PAPPA2: variants seen among roughly 807,000 people sequenced by gnomAD.
PAPPA2 encodes pappalysin-2.
A neutral mutation model predicts 176.4 loss-of-function variants in PAPPA2; 86 were observed. The observed-to-expected ratio is 0.49, with a 90% confidence interval of 0.41 to 0.58. The LOEUF (loss-of-function observed/expected upper bound fraction) is 0.58, where lower values mean the gene tolerates loss of function less well. Among genes scored for constraint, PAPPA2 ranks in the 20% least tolerant of loss-of-function variants. The pLI is 0.00. For synonymous variants in PAPPA2, 809 were observed against 852.2 expected, an observed-to-expected ratio of 0.95 and a Z score of 0.88; for missense variants, 2,073 against 2,256.9, an observed-to-expected ratio of 0.92 and a Z score of 1.65.
At chr1:176,769,546 G>A (rs1270790290) in intron 15 of PAPPA2, 61 bp from the exon 16 acceptor site, 1 of 1,523,654 alleles carries the variant, frequency 6.6e-7, no homozygotes, top group Admixed American at 1.9e-5. Context: ...TCTAAAGCCT[G>A]GAAACTACTC....
intron 3 of PAPPA2, among the ~76,000 whole-genome samples, chr1:176,666,608 T>TGAGAGAGAGAGA (rs55742086): frequency 2.0e-5 from 2 of 101,280 alleles, no homozygotes; most frequent in African/African-American, 7.2e-5. Context: ...TGTGTGTGTG[T>TGAGAGAGAGAGA]GAGAGAGAGA....
intron 3 of PAPPA2, among the ~76,000 whole-genome samples, chr1:176,641,904 G>C (rs971811306): frequency 4.6e-5 from 7 of 151,890 alleles, no homozygotes; most frequent in African/African-American, 7.2e-5. Context: ...AGGAGGTCTA[G>C]GTTAGTGTGT....
intron 4 of PAPPA2, among the ~76,000 whole-genome samples, chr1:176,676,566 T>C (rs1259768094): frequency 6.6e-6 from 1 of 151,922 alleles, no homozygotes; most frequent in African/African-American, 2.4e-5. Context: ...ATTTCCAGGG[T>C]TTAAGAATGA....
chr1:176,705,252 A>G (rs1417046763), intron 9 of PAPPA2, among the ~76,000 whole-genome samples: 1 of 152,126 alleles, frequency 6.6e-6, no homozygotes, highest in Non-Finnish European at 1.5e-5. Flanking sequence ...TAATTTCTTC[A>G]ATTATGTTGT....
intron 3 of PAPPA2, among the ~76,000 whole-genome samples, chr1:176,616,022 A>G (rs1414985348): frequency 6.6e-6 from 1 of 152,228 alleles, no homozygotes; most frequent in African/African-American, 2.4e-5. Flanking sequence ...GTCAGTTGGT[A>G]TGAATGACAA....
At chr1:176,483,053 G>C (rs1248845575) in intron 1 of PAPPA2, among the ~76,000 whole-genome samples, 1 of 152,200 alleles carries the variant, frequency 6.6e-6, no homozygotes, top group African/African-American at 2.4e-5. Context: ...TGTGGCTGAA[G>C]AGCATGGTGA....
At chr1:176,580,149 C>T (rs1157692162) in intron 2 of PAPPA2, among the ~76,000 whole-genome samples, 1 of 152,110 alleles carries the variant, frequency 6.6e-6, no homozygotes, top group Non-Finnish European at 1.5e-5. Context: ...GCAAATTTAT[C>T]CCTATCTCCC....
chr1:176,508,077 C>T (rs539637569), intron 1 of PAPPA2, among the ~76,000 whole-genome samples: 2 of 152,256 alleles, frequency 1.3e-5, no homozygotes, highest in Admixed American at 6.5e-5. Flanking sequence ...GTAAAGGCTA[C>T]TCAACAGACT....
intron 17 of PAPPA2, among the ~76,000 whole-genome samples, chr1:176,782,304 G>A (rs938970540): frequency 2.0e-5 from 3 of 152,074 alleles, no homozygotes; most frequent in African/African-American, 7.2e-5. Context: ...GCTGCATACT[G>A]GGAATATCAT....
chr1:176,638,583 G>A (rs866428209), intron 3 of PAPPA2, among the ~76,000 whole-genome samples: 3 of 152,000 alleles, frequency 2.0e-5, no homozygotes, highest in Admixed American at 6.6e-5. Context: ...AGGAAAGAGG[G>A]AAGACTGAAT....
chr1:176,837,547 A>C (rs951268359), intron 21 of PAPPA2, among the ~76,000 whole-genome samples: 2 of 152,132 alleles, frequency 1.3e-5, no homozygotes, highest in Non-Finnish European at 2.9e-5. Context: ...GGTTAAAATA[A>C]AAATTTAAAA....
intron 1 of PAPPA2, among the ~76,000 whole-genome samples, chr1:176,486,976 CT>C (rs1470652404): frequency 6.6e-6 from 1 of 151,684 alleles, no homozygotes; most frequent in African/African-American, 2.4e-5. Context: ...GAAACCAAAT[CT>C]GGAAAAACTG....
intron 1 of PAPPA2, among the ~76,000 whole-genome samples, chr1:176,510,311 A>G (rs1648518959): frequency 6.6e-6 from 1 of 152,218 alleles, no homozygotes; most frequent in African/African-American, 2.4e-5. Flanking sequence ...ACCTGAGCCT[A>G]TTTAAACCAG....
rs1009932710 is a variant in PAPPA2 at position 176,765,626 on chromosome 1, C to G, written c.4152-40C>G. The G allele has an allele frequency of 7.6e-6, 12 of 1,588,468 alleles. No homozygotes were observed. In the African/African-American group the frequency reaches 1.5e-4, roughly 20 times the overall value. On this transcript the variant is annotated intron_variant, in intron 14 of 22. Transcript: ENST00000367662. The stretch of plus-strand genomic sequence containing the variant: ...AAGTCATTGCTCCTCCTTACTGGTT[C>G]TCAACCAGTCCTAAGATGGTTCTAT...
intron 2 of PAPPA2, among the ~76,000 whole-genome samples, chr1:176,587,633 TC>T (rs1444259539): frequency 6.6e-6 from 1 of 152,208 alleles, no homozygotes; most frequent in Non-Finnish European, 1.5e-5. Flanking sequence ...TCTGTTCTAC[TC>T]CATTGGTCTT....
rs1173222169 is a variant in PAPPA2, at chr1:176,695,843, C to T, written c.2730C>T (p.Thr910=). 1.9e-6 allele frequency: 3 copies of T among 1,613,906 alleles called. No individual in the cohort carries two copies. The highest frequency in any genetic ancestry group is 1.7e-5 in the Admixed American group (1 of 59,990). The stretch of plus-strand genomic sequence containing the variant: ...TGTGTGACTCCTCAGGTTATTGGAC[C>T]CCAGAGGAGGCTGTGGGTAAAGTAC... ...RRVCDSSGYW[T]PEEAVGPPDV... The change falls in exon 7 of 23, where the codon ACC becomes ACT. Residue 910 remains threonine, a synonymous_variant. Transcript: ENST00000367662.
intron 14 of PAPPA2, among the ~76,000 whole-genome samples, chr1:176,750,980 C>T (rs891342310): frequency 2.0e-5 from 3 of 151,896 alleles, no homozygotes; most frequent in East Asian, 3.9e-4. Context: ...TTAGGTCTAA[C>T]GTTTAAATCT....
chr1:176,688,568 A>G (rs1009064623), intron 4 of PAPPA2, among the ~76,000 whole-genome samples: 3 of 152,220 alleles, frequency 2.0e-5, no homozygotes, highest in Non-Finnish European at 2.9e-5. Context: ...ATAAAAAAGG[A>G]TAAGTTTAGA....
At chr1:176,536,632 G>C (rs1303098511) in intron 1 of PAPPA2, among the ~76,000 whole-genome samples, 3 of 152,324 alleles carry the variant, frequency 2.0e-5, no homozygotes, top group Non-Finnish European at 4.4e-5. Context: ...ACTGTTCCAT[G>C]GTTCTCATTC....
Sources: gnomAD v4.1 joint callset for allele counts (sites outside exome capture counted in the v4.1 genomes callset) on GRCh38, gnomAD v4.1.1 for gene constraint, MANE v1.5 for transcripts, NCBI Gene and HGNC (gene_info 2026-07-23, HGNC 2026-07-21) for gene names.